TTN: variants seen among roughly 807,000 people sequenced by gnomAD.
TTN encodes the protein titin.
In TTN, 1,525 loss-of-function variants were observed where a neutral mutation model predicts 3,223.0. The ratio of observed to expected loss-of-function variants is 0.47; its 90% CI spans 0.45 to 0.49. The LOEUF is 0.49. TTN is among the 20% of genes least tolerant of loss of function. The pLI is 0.00. For missense variants in TTN, 40,786 were observed against 43,424.0 expected, an observed-to-expected ratio of 0.94 and a Z score of 5.40; for synonymous variants, 14,094 against 15,161.0, an observed-to-expected ratio of 0.93 and a Z score of 5.17.
chr2:178,659,544 C>G (rs1442268578), intron 180 of TTN, among the ~76,000 whole-genome samples: 1 of 149,992 alleles, frequency 6.7e-6, no homozygotes, highest in Non-Finnish European at 1.5e-5. Flanking sequence ...GGACGTATCT[C>G]AAAATAATAA....
In TTN at chr2:178,741,159, T is replaced by C. The variant is rs1452131866; in HGVS notation, c.12074A>G (p.Glu4025Gly). ...NMLGESTCAAELLVLLEDTDM... is the reference protein window; with the variant it reads ...NMLGESTCAAGLLVLLEDTDM... ...TGTGTCTTCCAGAAGCACAAGCAGC[T>C]CTGCTGCACAGGTGGACTCACCCAA... Residue 4025 changes from glutamate (E) to glycine (G), a missense_variant, in exon 48 of 363, where the codon GAG (glutamate) becomes GGG (glycine). Glu to Gly is a moderately conservative substitution (Grantham distance 98). Transcript: ENST00000589042. 1.2e-6 allele frequency: 2 copies of C among 1,613,500 alleles called. No individual in the cohort carries two copies. The highest frequency in any genetic ancestry group is 1.3e-5 in the African/African-American group (1 of 74,938).
At position 178,621,691 on chromosome 2, in the gene TTN, T is replaced by C; in HGVS notation, c.45133A>G (p.Thr15045Ala). Residue 15045 changes from threonine (T) to alanine (A), a missense_variant, in exon 245 of 363, where the codon ACA (threonine) becomes GCA (alanine). Transcript: ENST00000589042. ...TCACAAACCAGTTTTATAGTGTCTG[T>C]TTCACTAACTTCAATGTTGGCAAGA... ...KNLANIEVSE[T>A]DTIKLVCEVS... The C allele has an allele frequency of 6.2e-7, 1 of 1,612,164 alleles. No homozygotes were observed. Among genetic ancestry groups the C allele is most frequent in the Non-Finnish European group, 8.5e-7 (1 of 1,179,034 alleles).
rs367751077 is a variant in TTN, at chr2:178,634,828, C to T, written c.42046G>A (p.Gly14016Ser). 17 of 1,610,724 alleles carry T rather than the reference C, an allele frequency of 1.1e-5. No homozygotes were observed. The highest frequency in any genetic ancestry group is 2.7e-5 in the African/African-American group (2 of 74,688). ...TGCAAAGTTAAGAAGCGTTTTCCAC[C>T]TTCTGCTTTGATTTCACAAGTCTGA... ...PSPTCEIKAEGGKRFLTLHKV... is the reference protein window; with the variant it reads ...PSPTCEIKAESGKRFLTLHKV... Residue 14016 changes from glycine (G) to serine (S), a missense_variant, in exon 229 of 363, where the codon GGT becomes AGT. Coordinates refer to ENST00000589042, the MANE Select transcript of TTN (RefSeq NM_001267550.2). The surrounding 1 kb of genome is among the most constrained non-coding windows in gnomAD (Gnocchi z 4.6).
chr2:178,794,667 T>C, intron 7 of TTN, 116 bp from the exon 8 acceptor site: 1 of 1,278,866 alleles, frequency 7.8e-7, no homozygotes. Context: ...ACATAAGCAT[T>C]TATTATTGCC....
chr2:178,664,706 T>C lies in TTN; in HGVS notation c.36150A>G (p.Glu12050=), dbSNP rs902753123. Residue 12050 remains glutamate (E), a synonymous_variant, in exon 167 of 363, where the codon GAA becomes GAG. Transcript: ENST00000589042. ...VPEALQEIVP[E]KKTLVVPLRK... ...TGAGAGGAACCACAAGCGTTTTCTT[T>C]TCAGGGACAATTTCTTGGAGAGCTT... 1.2e-6 allele frequency: 2 copies of C among 1,612,550 alleles called. No homozygotes were observed. Among genetic ancestry groups the C allele is most frequent in the Non-Finnish European group, 1.7e-6 (2 of 1,179,708 alleles).
intron 198 of TTN, 44 bp downstream of exon 198, chr2:178,653,194 C>T: frequency 6.2e-7 from 1 of 1,604,390 alleles, no homozygotes; most frequent in African/African-American, 1.4e-5. Context: ...TCTTCAACTG[C>T]AAAAGAATTA....
rs920253062 is a variant in TTN, at chr2:178,636,140, C to T, written c.41431G>A (p.Val13811Ile). The change falls in exon 226 of 363, where the codon GTC becomes ATC. Residue 13811 changes from valine to isoleucine, a missense_variant. By Grantham distance (29) the Val-to-Ile change is conservative. Coordinates refer to ENST00000589042, the MANE Select transcript of TTN (RefSeq NM_001267550.2). This position sits in a 1 kb window ranked among gnomAD's most constrained non-coding sequence, Gnocchi z 4.3. ...ACAATCTTGCCATCCTTCCTCCAGA[C>T]CACGTCACGCTCTTTGTTTAACTCG... is the stretch of plus-strand genomic sequence containing the variant. ...SCELNKERDV[V>I]WRKDGKIVVE... 1.2e-6 allele frequency: 2 copies of T among 1,613,010 alleles called. No homozygotes were observed. Among genetic ancestry groups the T allele is most frequent in the Non-Finnish European group, 1.7e-6 (2 of 1,179,490 alleles).
intron 47 of TTN, among the ~76,000 whole-genome samples, chr2:178,743,159 A>G (rs920261145): frequency 6.6e-6 from 1 of 152,050 alleles, no homozygotes; most frequent in Admixed American, 6.6e-5. Flanking sequence ...ACTATGTTGA[A>G]CTATTTGCAA....
chr2:178,573,742 C>G lies in TTN; in HGVS notation c.72390G>C (p.Leu24130Phe), dbSNP rs376664950. The stretch of plus-strand genomic sequence containing the variant: ...TTTCTGATGTCACTTCAGTTACAGC[C>G]AAAGGTCCTTCAGGTGGGCCTGGTC... ...LDRPGPPEGP[L>F]AVTEVTSEKC... Residue 24130 changes from leucine (L) to phenylalanine (F), a missense_variant, in exon 326 of 363, where the codon TTG (leucine) becomes TTC (phenylalanine). By Grantham distance (22) the Leu-to-Phe change is conservative. Transcript: ENST00000589042. 1.3e-6 allele frequency: 2 copies of G among 1,574,696 alleles called. No individual in the cohort carries two copies. Among genetic ancestry groups the G allele is most frequent in the Admixed American group, 3.7e-5 (2 of 53,814 alleles).
rs1486501516 is a variant in TTN, at chr2:178,751,757, A to C, written c.11311+1367T>G. 6.2e-7 allele frequency: 1 copy of C among 1,613,210 alleles called. No individual in the cohort carries two copies. Among genetic ancestry groups the C allele is most frequent in the Non-Finnish European group, 8.5e-7 (1 of 1,179,458 alleles). ...ACTCTCAGCTTTTATAATCCGACGAAGACCTGTTGGGATGGGCCGATTGTT... is the reference window on the plus strand; with the variant it reads ...ACTCTCAGCTTTTATAATCCGACGACGACCTGTTGGGATGGGCCGATTGTT... On this transcript the variant is annotated intron_variant, in intron 47 of 362. Coordinates refer to ENST00000589042, the MANE Select transcript of TTN (RefSeq NM_001267550.2).
Position 178,739,196 on chromosome 2 carries a change from G to A in TTN, c.14037C>T (p.Ala4679=). 1 of 1,527,482 alleles carries A rather than the reference G, an allele frequency of 6.5e-7. No individual in the cohort carries two copies. The highest frequency in any genetic ancestry group is 2.3e-5 in the East Asian group (1 of 43,906). 94.6% of individuals were successfully genotyped at this position (1,527,482 alleles called of 1,614,324 possible). A position where few individuals can be genotyped will look rare whatever the true frequency, so the allele number is the denominator to read the frequency against. The change falls in exon 48 of 363, where the codon GCC becomes GCT. Residue 4679 remains alanine (A), a synonymous_variant. Coordinates refer to ENST00000589042, the MANE Select transcript of TTN (RefSeq NM_001267550.2). ...EDHQGEYVCE[A]LNDSGKTATS... ...TTGCTGTTTTTCCGCTGTCATTCAA[G>A]GCCTCACAGACATACTCTCCTTGAT... is the stretch of plus-strand genomic sequence containing the variant.
chr2:178,605,904 A>G (rs2054661474), intron 278 of TTN, among the ~76,000 whole-genome samples, 191 bp from the exon 279 acceptor site: 1 of 151,998 alleles, frequency 6.6e-6, no homozygotes, highest in Non-Finnish European at 1.5e-5. Flanking sequence ...AATTTTTCTT[A>G]GCAAACTTTT....
intron 30 of TTN, 34 bp downstream of exon 30, chr2:178,774,173 C>T (rs2091925647): frequency 2.5e-6 from 4 of 1,613,980 alleles, no homozygotes; most frequent in Admixed American, 3.3e-5. Flanking sequence ...CATAATGATG[C>T]TCACTGCAGG....
chr2:178,698,543 A>G (rs1042028337), intron 112 of TTN, among the ~76,000 whole-genome samples: 1 of 152,214 alleles, frequency 6.6e-6, no homozygotes, highest in Admixed American at 6.5e-5. Context: ...AAAGAAAAAA[A>G]AAGAATAGCT....
At chr2:178,742,018 G>T (rs2082575305) in intron 47 of TTN, 97 bp from the exon 48 acceptor site, 5 of 918,620 alleles carry the variant, frequency 5.4e-6, no homozygotes, top group Non-Finnish European at 5.8e-6. Flanking sequence ...GCCTTCTTCT[G>T]CTTTATTCCT....
chr2:178,671,003 T>C, intron 156 of TTN, 87 bp downstream of exon 156: 2 of 913,464 alleles, frequency 2.2e-6, no homozygotes, highest in Non-Finnish European at 3.3e-6. Flanking sequence ...AAGAAAGACA[T>C]CAAGTGGAAT....
intron 346 of TTN, 83 bp from the exon 347 acceptor site, chr2:178,543,745 C>A: frequency 6.5e-7 from 1 of 1,536,964 alleles, no homozygotes; most frequent in South Asian, 1.3e-5. Flanking sequence ...AACATAGTTC[C>A]TTTCTAGAGA....
Position 178,585,201 on chromosome 2 carries a change from C to G in TTN, c.64543G>C (p.Val21515Leu). ...DEVVTSSHLA[V>L]HKADSSSILI... ...ATTGAAGAGCTGTCTGCTTTATGCA[C>G]TGCCAGGTGGCTGGATGTGACAACT... Residue 21515 changes from valine to leucine, a missense_variant, in exon 309 of 363, where the codon GTG (valine) becomes CTG (leucine). Coordinates refer to ENST00000589042, the MANE Select transcript of TTN (RefSeq NM_001267550.2). The G allele has an allele frequency of 6.2e-7, 1 of 1,613,400 alleles. No homozygotes were observed. Among genetic ancestry groups the G allele is most frequent in the African/African-American group, 1.3e-5 (1 of 75,028 alleles).
chr2:178,579,278 C>G lies in TTN; in HGVS notation c.67752G>C (p.Trp22584Cys), dbSNP rs750330303. 1.9e-6 allele frequency: 3 copies of G among 1,613,252 alleles called. No individual in the cohort carries two copies. Among genetic ancestry groups the G allele is most frequent in the Non-Finnish European group, 2.5e-6 (3 of 1,179,534 alleles). The change falls in exon 320 of 363, where the codon TGG (tryptophan) becomes TGC (cysteine). Residue 22584 changes from tryptophan to cysteine, a missense_variant. Transcript: ENST00000589042. ...IKGKPAPSVS[W>C]KKGEDPLATD... The stretch of plus-strand genomic sequence containing the variant: ...TTGCTAGAGGATCTTCCCCTTTCTT[C>G]CAGGAGACTGATGGAGCTGGCTTGC...
Sources: gnomAD v4.1 joint callset for allele counts (sites outside exome capture counted in the v4.1 genomes callset) on GRCh38, gnomAD v4.1.1 for gene constraint, Gnocchi (gnomAD v3.1) non-coding constraint, MANE v1.5 for transcripts, NCBI Gene and HGNC (gene_info 2026-07-23, HGNC 2026-07-21) for gene names.